Variants in ADGRE1 observed in about 807,000 individuals in gnomAD.
ADGRE1 encodes EGF-like module receptor 1.
ADGRE1 carries 82 observed loss-of-function variants against 102.7 expected under a neutral mutation model. The observed-to-expected ratio is 0.80, with a 90% CI of 0.67 to 0.96. ADGRE1 has a LOEUF of 0.96. Among genes scored for constraint, ADGRE1 ranks in the 40% least tolerant of loss-of-function variants. The probability of loss-of-function intolerance (pLI) is 0.00; values close to 1 mark genes in which losing one functional copy is unlikely to be tolerated. For missense variants in ADGRE1, 1,032 were observed against 1,085.3 expected (o/e 0.95, Z 0.69); for synonymous variants, 398 against 399.6 (o/e 1.00, Z 0.05).
intron 3 of ADGRE1, 49 bp downstream of exon 3, chr19:6,896,590 G>A (rs200882682): frequency 1.3e-6 from 2 of 1,593,344 alleles, no homozygotes; most frequent in East Asian, 2.3e-5. Context: ...GGAAAATCAA[G>A]TCAAAGCTGG....
chr19:6,897,600 C>G, intron 5 of ADGRE1, 53 bp downstream of exon 5: 1 of 1,470,104 alleles, frequency 6.8e-7, no homozygotes, highest in Non-Finnish European at 9.0e-7. Context: ...TAAGGGTCAT[C>G]TCACTGGAAG....
At chr19:6,901,733 G>A in intron 5 of ADGRE1, 142 bp from the exon 6 acceptor site, 1 of 881,682 alleles carries the variant, frequency 1.1e-6, no homozygotes, top group South Asian at 1.7e-5. Flanking sequence ...CTGTGTGCCT[G>A]GGAAGAAGGG....
In ADGRE1 at chr19:6,896,419, C is replaced by T; in HGVS notation, c.116C>T (p.Thr39Ile). Residue 39 changes from threonine to isoleucine, a missense_variant, in exon 3 of 21, where the codon ACC becomes ATC. Thr to Ile is a moderately conservative substitution (Grantham distance 89). Transcript: ENST00000312053. ...NTKGNNCRDS[T>I]LCPAYATCTN... ...CTAGGTAATAACTGTAGAGACAGTA[C>T]CTTGTGCCCAGCTTATGCCACCTGC... The T allele has an allele frequency of 6.2e-7, 1 of 1,614,078 alleles. No individual in the cohort carries two copies. The highest frequency in any genetic ancestry group is 1.1e-5 in the South Asian group (1 of 91,072).
chr19:6,890,432 T>C, intron 1 of ADGRE1, 49 bp from the exon 2 acceptor site: 1 of 1,201,226 alleles, frequency 8.3e-7, no homozygotes, highest in Admixed American at 3.0e-5. Context: ...TTTTTTTTTT[T>C]TTTTTTTTTT....
chr19:6,911,575 TA>T (rs146003754), intron 10 of ADGRE1, among the ~76,000 whole-genome samples: 2,079 of 151,986 alleles, frequency 0.014, 48 homozygotes, highest in African/African-American at 0.048. Flanking sequence ...CCTATCTTTT[TA>T]CCTTGTAAGC....
chr19:6,890,158 C>T (rs1297331804), intron 1 of ADGRE1, among the ~76,000 whole-genome samples: 1 of 152,164 alleles, frequency 6.6e-6, no homozygotes, highest in Non-Finnish European at 1.5e-5. Context: ...TCAAGTGATC[C>T]TCCCACCTTG....
rs924679565 is a variant in ADGRE1, at chr19:6,930,436, AT to A, written c.2289+2234del. Among the ~76,000 whole-genome samples, 10 of 151,552 alleles carry A rather than the reference AT, an allele frequency of 6.6e-5. No individual in the cohort carries two copies. In the East Asian group the frequency reaches 1.5e-3, roughly 23 times the overall value. ...TTTTGTCATATTTTTCGAGGATTAA[AT>A]TTTTTTTTATTTTTAATTTTTGTGG... On this transcript the variant is annotated intron_variant, in intron 17 of 20. Transcript: ENST00000312053.
intron 14 of ADGRE1, among the ~76,000 whole-genome samples, chr19:6,922,789 A>G (rs930423557): frequency 3.3e-5 from 5 of 152,150 alleles, no homozygotes; most frequent in African/African-American, 1.2e-4. Flanking sequence ...TGTAGAAAGT[A>G]TCCTTTCACC....
rs1387961036 is a variant in ADGRE1, at chr19:6,908,986, T to A, written c.1122+214T>A. Reference sequence around the variant, plus strand: ...CTGTCTCTACTACAAATACAGAACTTAGCCGGGCATGGTGGCAGGTGCCCA... The same window carrying A: ...CTGTCTCTACTACAAATACAGAACTAAGCCGGGCATGGTGGCAGGTGCCCA... On this transcript the variant is annotated intron_variant, in intron 10 of 20. Coordinates refer to ENST00000312053, the MANE Select transcript of ADGRE1 (RefSeq NM_001974.5). Among the ~76,000 whole-genome samples, 3 of 151,956 alleles carry A rather than the reference T, an allele frequency of 2.0e-5. No individual in the cohort carries two copies. In the East Asian group the frequency reaches 5.8e-4, roughly 29 times the overall value.
intron 2 of ADGRE1, among the ~76,000 whole-genome samples, chr19:6,894,617 G>A (rs184800114): frequency 2.4e-4 from 36 of 152,270 alleles, no homozygotes; most frequent in African/African-American, 8.4e-4. Flanking sequence ...TGGTCACTGG[G>A]GGCTTTGCAG....
rs570078122 is a variant in ADGRE1, at chr19:6,913,127, T to A, written c.1123-526T>A. The stretch of plus-strand genomic sequence containing the variant: ...TTTTAATTTGTTTGTACAGATGGGG[T>A]CTTGTTATGTTGTCCAGGCTGGTCT... On this transcript the variant is annotated intron_variant, in intron 10 of 20. Coordinates refer to ENST00000312053, the MANE Select transcript of ADGRE1 (RefSeq NM_001974.5). Among the ~76,000 whole-genome samples the A allele has an allele frequency of 3.8e-4, 58 of 152,058 alleles. No individual in the cohort carries two copies. The South Asian group carries it at 0.011, about 30-fold the overall frequency.
In ADGRE1 at chr19:6,901,909, A is replaced by G; in HGVS notation, c.549A>G (p.Pro183=). Residue 183 remains proline, a synonymous_variant, in exon 6 of 21, where the codon CCA becomes CCG. Transcript: ENST00000312053. ...AATGTGCAGATCCAAGAGCTTGCCCAGAGCATGCAACTTGTAATAACACTG... is the reference window on the plus strand; with the variant it reads ...AATGTGCAGATCCAAGAGCTTGCCCGGAGCATGCAACTTGTAATAACACTG... ...VDECADPRAC[P]EHATCNNTVG... 6.2e-7 allele frequency: 1 copy of G among 1,614,216 alleles called. No individual in the cohort carries two copies. Among genetic ancestry groups the G allele is most frequent in the Non-Finnish European group, 8.5e-7 (1 of 1,180,038 alleles).
chr19:6,894,536 T>C (rs1235947267), intron 2 of ADGRE1, among the ~76,000 whole-genome samples: 1 of 152,160 alleles, frequency 6.6e-6, no homozygotes, highest in African/African-American at 2.4e-5. Context: ...GCAAAGGCCC[T>C]GTGGTAGGAA....
intron 17 of ADGRE1, among the ~76,000 whole-genome samples, chr19:6,934,668 G>T (rs252548): frequency 6.8e-6 from 1 of 146,744 alleles, no homozygotes; most frequent in Non-Finnish European, 1.5e-5. Context: ...CACAATCTCA[G>T]CTGTCTGCAA....
Position 6,940,216 on chromosome 19 carries a change from C to A in ADGRE1, c.*187C>A. On this transcript the variant is annotated 3_prime_UTR_variant, in exon 21 of 21. Coordinates refer to ENST00000312053, the MANE Select transcript of ADGRE1 (RefSeq NM_001974.5). ...TTGTATGCACTGATGAGAAATCAGGCGTTTCTGCTCCAAACGACCATTTTA... is the reference window on the plus strand; with the variant it reads ...TTGTATGCACTGATGAGAAATCAGGAGTTTCTGCTCCAAACGACCATTTTA... The A allele has an allele frequency of 6.2e-6, 4 of 647,300 alleles. No individual in the cohort carries two copies. The South Asian group carries it at 7.8e-5, about 13-fold the overall frequency. 40.1% of individuals were successfully genotyped at this position (647,300 alleles called of 1,614,324 possible).
chr19:6,927,815 C>G (rs1974983043), intron 16 of ADGRE1, among the ~76,000 whole-genome samples: 2 of 152,062 alleles, frequency 1.3e-5, no homozygotes, highest in African/African-American at 4.8e-5. Context: ...GCGTGAGACC[C>G]CACGCCCGGC....
At chr19:6,933,955 C>T (rs980631294) in intron 17 of ADGRE1, among the ~76,000 whole-genome samples, 4 of 152,028 alleles carry the variant, frequency 2.6e-5, no homozygotes, top group African/African-American at 7.3e-5. Flanking sequence ...CACTCAAGTT[C>T]GCAGTCTATG....
rs1327884434 is a variant in ADGRE1 at position 6,887,633 on chromosome 19, T to C, written c.25T>C (p.Phe9Leu). The change falls in exon 1 of 21, where the codon TTC becomes CTC. Residue 9 changes from phenylalanine to leucine, a missense_variant. Transcript: ENST00000312053. ...AATGCGTGGCTTCAACCTGCTCCTC[T>C]TCTGGGGTGAGTGTGAGGCTGAATG... MRGFNLLL[F>L]WGCCVMHSWE... The C allele has an allele frequency of 6.8e-6, 11 of 1,611,924 alleles. No individual in the cohort carries two copies. The South Asian group carries it at 9.9e-5, about 15-fold the overall frequency.
intron 5 of ADGRE1, among the ~76,000 whole-genome samples, chr19:6,900,908 A>G (rs1973743953): frequency 6.6e-6 from 1 of 152,206 alleles, no homozygotes; most frequent in African/African-American, 2.4e-5. Context: ...ATGAGTTGAC[A>G]TTTTAAGTGG....
Sources: allele counts gnomAD v4.1 joint callset (sites outside exome capture counted in the v4.1 genomes callset), GRCh38; gene constraint gnomAD v4.1.1; transcripts MANE v1.5; gene names NCBI Gene and HGNC (gene_info 2026-07-23, HGNC 2026-07-21).